The following NELL1 variants were observed in gnomAD, a reference collection of about 807,000 sequenced individuals.
The protein encoded by NELL1 is protein kinase C-binding protein NELL1.
A neutral mutation model predicts 107.4 loss-of-function variants in NELL1; 76 were observed. The ratio of observed to expected loss-of-function variants is 0.71; its 90% confidence interval spans 0.59 to 0.86. NELL1 has a LOEUF of 0.86. NELL1 is among the 40% of genes least tolerant of loss of function. NELL1 has a pLI of 0.00. For missense variants in NELL1, 1,024 were observed against 1,005.5 expected (o/e 1.02, Z -0.25); for synonymous variants, 353 against 341.2 (o/e 1.03, Z -0.38).
intron 4 of NELL1, among the ~76,000 whole-genome samples, chr11:20,862,265 C>T (rs564532762): frequency 6.6e-6 from 1 of 150,870 alleles, no homozygotes; most frequent in Non-Finnish European, 1.5e-5. Context: ...GAAGCTAATA[C>T]CAGTATCTGG....
chr11:20,832,023 T>C (rs1858020755), intron 3 of NELL1, among the ~76,000 whole-genome samples: 1 of 152,320 alleles, frequency 6.6e-6, no homozygotes, highest in Middle Eastern at 3.4e-3. Flanking sequence ...TTATTTCCAC[T>C]AGCAGTGATA....
intron 12 of NELL1, among the ~76,000 whole-genome samples, chr11:20,970,822 A>G (rs1022999156): frequency 6.6e-6 from 1 of 152,134 alleles, no homozygotes; most frequent in Non-Finnish European, 1.5e-5. Flanking sequence ...ATATACACAT[A>G]TAGGATGCTG....
At chr11:21,549,499 G>A (rs561782185) in intron 16 of NELL1, among the ~76,000 whole-genome samples, 7 of 151,898 alleles carry the variant, frequency 4.6e-5, no homozygotes, top group African/African-American at 9.6e-5. Flanking sequence ...CCAAGAGAAC[G>A]AATTGTGTCT....
chr11:21,451,064 G>A (rs543623575), intron 15 of NELL1, among the ~76,000 whole-genome samples: 1 of 151,776 alleles, frequency 6.6e-6, no homozygotes, highest in East Asian at 1.9e-4. Context: ...GTGGGCGCCT[G>A]TAGTCCCAGC....
chr11:20,992,115 A>G (rs182016316), intron 12 of NELL1, among the ~76,000 whole-genome samples: 1 of 152,294 alleles, frequency 6.6e-6, no homozygotes, highest in East Asian at 1.9e-4. Context: ...TACATAAGTA[A>G]GAACAATTTC....
intron 16 of NELL1, among the ~76,000 whole-genome samples, chr11:21,554,960 C>G (rs2133994605): frequency 6.6e-6 from 1 of 152,022 alleles, no homozygotes; most frequent in African/African-American, 2.4e-5. Flanking sequence ...AATTGGTATG[C>G]TATACTTCTT....
In NELL1 at chr11:20,919,044, G is replaced by A. The variant is rs1366996; in HGVS notation, c.677-208G>A. Reference sequence around the variant, plus strand: ...GTTGCCTTTCTTTTTAGTTAACAATGCCTTTTTCCTGTTCCTTTCTTTTTG... The same window carrying A: ...GTTGCCTTTCTTTTTAGTTAACAATACCTTTTTCCTGTTCCTTTCTTTTTG... On this transcript the variant is annotated intron_variant, in intron 6 of 19. Transcript: ENST00000357134. Among the ~76,000 whole-genome samples, 1,235 of 151,642 alleles carry A rather than the reference G, an allele frequency of 8.1e-3. 20 individuals carry two copies. The highest frequency in any genetic ancestry group is 0.029 in the African/African-American group (1,197 of 41,344).
intron 3 of NELL1, among the ~76,000 whole-genome samples, chr11:20,822,601 T>G (rs988837565): frequency 6.6e-6 from 1 of 152,144 alleles, no homozygotes; most frequent in African/African-American, 2.4e-5. Context: ...TGGAGCTTGA[T>G]TTTTGGCAGA....
chr11:20,992,961 C>T (rs955001437), intron 12 of NELL1, among the ~76,000 whole-genome samples: 1 of 151,976 alleles, frequency 6.6e-6, no homozygotes. Flanking sequence ...GATCCGCCCG[C>T]CTTGGCCTCC....
chr11:21,006,426 T>C (rs1455399235), intron 12 of NELL1, among the ~76,000 whole-genome samples: 1 of 152,120 alleles, frequency 6.6e-6, no homozygotes, highest in East Asian at 1.9e-4. Flanking sequence ...AAAAAGTAAA[T>C]TTCTTTTTCT....
intron 10 of NELL1, among the ~76,000 whole-genome samples, chr11:20,946,365 T>C (rs12293014): frequency 0.044 from 6,723 of 152,216 alleles, 334 homozygotes; most frequent in East Asian, 0.14. Flanking sequence ...TTAGATAAAA[T>C]AAGGAACTCT....
chr11:21,082,645 T>G (rs965424327), intron 12 of NELL1, among the ~76,000 whole-genome samples: 1 of 152,198 alleles, frequency 6.6e-6, no homozygotes, highest in Non-Finnish European at 1.5e-5. Flanking sequence ...TGAAAGCCTC[T>G]AGGATCTGGT....
At chr11:21,570,138 G>A (rs933629453) in intron 17 of NELL1, among the ~76,000 whole-genome samples, 1 of 151,844 alleles carries the variant, frequency 6.6e-6, no homozygotes, top group African/African-American at 2.4e-5. Flanking sequence ...ATGGGGAACT[G>A]CCATAAGGTG....
intron 15 of NELL1, among the ~76,000 whole-genome samples, chr11:21,526,468 A>C (rs532263115): frequency 6.6e-6 from 1 of 152,276 alleles, no homozygotes; most frequent in East Asian, 1.9e-4. Flanking sequence ...CTCTTCTCAC[A>C]GCTAGCTCTA....
rs143153503 is a variant in NELL1 at position 21,570,766 on chromosome 11, T to A, written c.1983T>A (p.Asp661Glu). The change falls in exon 18 of 20, where the codon GAT becomes GAA. Residue 661 changes from aspartate to glutamate, a missense_variant and splice_region_variant. Coordinates refer to ENST00000357134, the MANE Select transcript of NELL1 (RefSeq NM_006157.5). ...TCCTTAACTTCATTTCTAAACAGGA[T>A]GGCAAGATATTCTGCCGACGGACAG... ...EDRCSVCSCK[D>E]GKIFCRRTAC... The A allele has an allele frequency of 1.9e-6, 3 of 1,611,074 alleles. No homozygotes were observed. Among genetic ancestry groups the A allele is most frequent in the Non-Finnish European group, 2.5e-6 (3 of 1,178,182 alleles).
At chr11:21,495,513 T>C (rs1238846480) in intron 15 of NELL1, among the ~76,000 whole-genome samples, 1 of 152,166 alleles carries the variant, frequency 6.6e-6, no homozygotes, top group African/African-American at 2.4e-5. Context: ...TTCTCTTGGG[T>C]GTGTATACTT....
At chr11:20,977,840 A>G (rs565325244) in intron 12 of NELL1, among the ~76,000 whole-genome samples, 1 of 152,256 alleles carries the variant, frequency 6.6e-6, no homozygotes, top group South Asian at 2.1e-4. Flanking sequence ...TTATCAGTAC[A>G]ACTTCTATGT....
chr11:21,033,216 G>A (rs1224222845), intron 12 of NELL1, among the ~76,000 whole-genome samples: 2 of 151,914 alleles, frequency 1.3e-5, no homozygotes, highest in African/African-American at 4.8e-5. Flanking sequence ...AATTCTGCCT[G>A]GTAATAATTT....
At chr11:21,023,849 C>T (rs766801354) in intron 12 of NELL1, among the ~76,000 whole-genome samples, 3 of 152,078 alleles carry the variant, frequency 2.0e-5, no homozygotes, top group Non-Finnish European at 4.4e-5. Flanking sequence ...TCTTTTGGCT[C>T]ATTTGAATCA....
Sources: allele counts gnomAD v4.1 joint callset (sites outside exome capture counted in the v4.1 genomes callset), GRCh38; gene constraint gnomAD v4.1.1; transcripts MANE v1.5; gene names NCBI Gene and HGNC (gene_info 2026-07-23, HGNC 2026-07-21).